CNTN4: variants seen among roughly 807,000 people sequenced by gnomAD.
The protein encoded by CNTN4 is contactin-4.
Under a neutral mutation model 122.5 loss-of-function variants are expected in CNTN4, and 77 were observed. The observed-to-expected ratio is 0.63, with a 90% CI of 0.52 to 0.76. The LOEUF is 0.76. CNTN4 is among the 30% of genes least tolerant of loss of function. The probability of loss-of-function intolerance (pLI) is 0.00; values close to 1 mark genes in which losing one functional copy is unlikely to be tolerated. For missense variants in CNTN4, 1,256 were observed against 1,259.1 expected, an observed-to-expected ratio of 1.00 and a Z score of 0.04; for synonymous variants, 512 against 447.0, an observed-to-expected ratio of 1.15 and a Z score of -1.83.
intron 3 of CNTN4, among the ~76,000 whole-genome samples, chr3:2,416,834 T>G (rs2047433802): frequency 6.6e-6 from 1 of 152,072 alleles, no homozygotes; most frequent in South Asian, 2.1e-4. Context: ...TTTTGTATTT[T>G]TAGTAGAGAC....
intron 6 of CNTN4, among the ~76,000 whole-genome samples, chr3:2,818,726 G>T (rs1431412500): frequency 6.6e-6 from 1 of 151,936 alleles, no homozygotes; most frequent in East Asian, 1.9e-4. Context: ...TGTGATCTTT[G>T]GGTTTATAAA....
At chr3:2,136,581 A>G (rs1454059835) in intron 2 of CNTN4, among the ~76,000 whole-genome samples, 2 of 152,174 alleles carry the variant, frequency 1.3e-5, no homozygotes, top group Non-Finnish European at 2.9e-5. Flanking sequence ...TGCTTGGTTT[A>G]AAGCATATTT....
intron 2 of CNTN4, among the ~76,000 whole-genome samples, chr3:2,152,891 C>A (rs967388273): frequency 6.6e-6 from 1 of 152,156 alleles, no homozygotes; most frequent in Non-Finnish European, 1.5e-5. Context: ...GCAGACGTTG[C>A]CCTCTTAGCC....
chr3:2,845,251 C>T (rs1018730372), intron 7 of CNTN4, among the ~76,000 whole-genome samples: 15 of 152,216 alleles, frequency 9.9e-5, no homozygotes, highest in Admixed American at 7.8e-4. Context: ...TGTCACAACT[C>T]TTTTGTAAGG....
chr3:2,169,020 G>T (rs994995515), intron 2 of CNTN4, among the ~76,000 whole-genome samples: 1 of 152,076 alleles, frequency 6.6e-6, no homozygotes, highest in African/African-American at 2.4e-5. Flanking sequence ...GATTTAAAAT[G>T]TTTCAGAATT....
chr3:2,596,282 G>C (rs1389140394), intron 4 of CNTN4, among the ~76,000 whole-genome samples: 1 of 152,032 alleles, frequency 6.6e-6, no homozygotes, highest in East Asian at 1.9e-4. Flanking sequence ...TACAAACATT[G>C]ATTTACACAC....
chr3:2,250,590 C>T (rs957243891), intron 2 of CNTN4, among the ~76,000 whole-genome samples: 1 of 151,836 alleles, frequency 6.6e-6, no homozygotes, highest in Admixed American at 6.6e-5. Context: ...GATAATTACC[C>T]TGATCTGATC....
intron 14 of CNTN4, among the ~76,000 whole-genome samples, chr3:3,018,541 G>A (rs1182444275): frequency 6.6e-6 from 1 of 152,174 alleles, no homozygotes; most frequent in East Asian, 1.9e-4. Flanking sequence ...ACATGGCTGT[G>A]GGTGGGTATA....
At chr3:2,721,588 T>A (rs113845734) in intron 4 of CNTN4, among the ~76,000 whole-genome samples, 26 of 152,114 alleles carry the variant, frequency 1.7e-4, no homozygotes, top group Middle Eastern at 3.4e-3. Flanking sequence ...TGAGTGTGAG[T>A]GTATGTGTGT....
intron 2 of CNTN4, among the ~76,000 whole-genome samples, chr3:2,121,530 G>A (rs545591029): frequency 1.3e-5 from 2 of 151,902 alleles, no homozygotes; most frequent in East Asian, 3.9e-4. Flanking sequence ...TTGTGTGCAC[G>A]GGGACCCATA....
chr3:2,224,987 A>G (rs2039215908), intron 2 of CNTN4, among the ~76,000 whole-genome samples: 1 of 149,820 alleles, frequency 6.7e-6, no homozygotes. Context: ...CGTCTCTACT[A>G]AAAAATACAA....
At chr3:2,259,034 G>A (rs147820274) in intron 2 of CNTN4, among the ~76,000 whole-genome samples, 1 of 151,874 alleles carries the variant, frequency 6.6e-6, no homozygotes, top group Non-Finnish European at 1.5e-5. Flanking sequence ...GACATACAGA[G>A]GTTAAATAAT....
intron 2 of CNTN4, among the ~76,000 whole-genome samples, chr3:2,199,197 G>A (rs1213318817): frequency 3.3e-5 from 5 of 152,174 alleles, no homozygotes; most frequent in South Asian, 2.1e-4. Context: ...ATTGAACTAT[G>A]CATTCTTCAA....
intron 3 of CNTN4, among the ~76,000 whole-genome samples, chr3:2,544,428 A>C (rs2078157261): frequency 6.6e-6 from 1 of 152,132 alleles, no homozygotes; most frequent in Non-Finnish European, 1.5e-5. Context: ...AAATCAGCAA[A>C]CATTTTAAGC....
chr3:2,424,221 C>G (rs2047728496), intron 3 of CNTN4, among the ~76,000 whole-genome samples: 1 of 117,160 alleles, frequency 8.5e-6, no homozygotes, highest in Non-Finnish European at 1.8e-5. Context: ...CCCCCTCCCT[C>G]CACCCTACAG....
At chr3:2,577,427 G>T (rs2079743839) in intron 4 of CNTN4, among the ~76,000 whole-genome samples, 1 of 152,128 alleles carries the variant, frequency 6.6e-6, no homozygotes, top group East Asian at 1.9e-4. Flanking sequence ...ATATTATCTG[G>T]GTCCTGCAAT....
chr3:2,786,680 T>C (rs2091845976), intron 6 of CNTN4, among the ~76,000 whole-genome samples: 1 of 152,216 alleles, frequency 6.6e-6, no homozygotes, highest in South Asian at 2.1e-4. Context: ...GTCATTATCA[T>C]GTTCTGGAAA....
intron 13 of CNTN4, among the ~76,000 whole-genome samples, chr3:2,964,851 C>T (rs942040668): frequency 6.6e-6 from 1 of 152,172 alleles, no homozygotes. Context: ...CCAAGTTTCT[C>T]CTTCCACAAC....
intron 4 of CNTN4, among the ~76,000 whole-genome samples, chr3:2,641,397 G>A (rs2082889963): frequency 6.6e-6 from 1 of 152,126 alleles, no homozygotes; most frequent in African/African-American, 2.4e-5. Context: ...AAATTGTCCA[G>A]AAATCAGCCT....
Sources: allele counts gnomAD v4.1 joint callset (sites outside exome capture counted in the v4.1 genomes callset), GRCh38; gene constraint gnomAD v4.1.1; transcripts MANE v1.5; gene names NCBI Gene and HGNC (gene_info 2026-07-23, HGNC 2026-07-21).